CNTNAP2: variants seen among roughly 807,000 people sequenced by gnomAD.
The protein encoded by CNTNAP2 is contactin associated protein 2.
Under a neutral mutation model 155.2 loss-of-function variants are expected in CNTNAP2, and 98 were observed. The observed-to-expected ratio is 0.63, with a 90% CI of 0.54 to 0.75. The LOEUF (loss-of-function observed/expected upper bound fraction) is 0.75. CNTNAP2 is among the 30% of genes least tolerant of loss of function. CNTNAP2 has a pLI of 0.00. For synonymous variants in CNTNAP2, 651 were observed against 631.2 expected (o/e 1.03, Z -0.47); for missense variants, 1,727 against 1,688.1 (o/e 1.02, Z -0.40).
At chr7:148,049,221 A>G (rs1802837648) in intron 15 of CNTNAP2, among the ~76,000 whole-genome samples, 1 of 152,224 alleles carries the variant, frequency 6.6e-6, no homozygotes, top group Non-Finnish European at 1.5e-5. Context: ...GTCTCAAAAA[A>G]TAGAAAAAAT....
At chr7:146,221,395 C>T (rs1799206832) in intron 1 of CNTNAP2, among the ~76,000 whole-genome samples, 1 of 151,794 alleles carries the variant, frequency 6.6e-6, no homozygotes, top group African/African-American at 2.4e-5. Context: ...TATATTTAAA[C>T]AATATATATT....
chr7:148,184,553 G>A (rs1795088454), intron 18 of CNTNAP2, among the ~76,000 whole-genome samples: 1 of 152,200 alleles, frequency 6.6e-6, no homozygotes, highest in South Asian at 2.1e-4. Context: ...TAGCCCTTAT[G>A]TGAATCATTT....
intron 1 of CNTNAP2, among the ~76,000 whole-genome samples, chr7:146,725,738 C>T (rs1801420100): frequency 6.6e-6 from 1 of 152,090 alleles, no homozygotes; most frequent in African/African-American, 2.4e-5. Context: ...ACTCCAGTGA[C>T]CCCACCCCGA....
chr7:148,336,135 T>C (rs1798111553), intron 21 of CNTNAP2, among the ~76,000 whole-genome samples: 1 of 152,222 alleles, frequency 6.6e-6, no homozygotes, highest in Non-Finnish European at 1.5e-5. Flanking sequence ...AGAACATTTA[T>C]GCTGGATTTG....
At position 147,335,404 on chromosome 7, in the gene CNTNAP2, ATTAAC is replaced by A. The variant is rs1331258706; in HGVS notation, c.1498+35118_1498+35122del. Among the ~76,000 whole-genome samples, 7 of 152,284 alleles carry A rather than the reference ATTAAC, an allele frequency of 4.6e-5. No homozygotes were observed. In the East Asian group the frequency reaches 1.3e-3, roughly 29 times the overall value. ...GATCTTTATGAAGAAATTACACATA[ATTAAC>A]TTATTTCATTTTTAGTAAGCTACTA... On this transcript the variant is annotated intron_variant, in intron 9 of 23. Coordinates refer to ENST00000361727, the MANE Select transcript of CNTNAP2 (RefSeq NM_014141.6).
chr7:146,998,475 T>A (rs1370777876), intron 3 of CNTNAP2, among the ~76,000 whole-genome samples: 1 of 152,020 alleles, frequency 6.6e-6, no homozygotes, highest in Non-Finnish European at 1.5e-5. Context: ...ATATTCCCTG[T>A]GCAAGTAAGA....
chr7:148,058,804 G>A (rs1803072613), intron 15 of CNTNAP2, among the ~76,000 whole-genome samples: 2 of 152,164 alleles, frequency 1.3e-5, no homozygotes, highest in Non-Finnish European at 2.9e-5. Flanking sequence ...TTTTAGCGTT[G>A]TATGCCTAAT....
intron 1 of CNTNAP2, among the ~76,000 whole-genome samples, chr7:146,496,876 G>T (rs1195452199): frequency 6.6e-6 from 1 of 152,268 alleles, no homozygotes; most frequent in East Asian, 1.9e-4. Context: ...TCATCCAACT[G>T]CAGAGCATCT....
intron 14 of CNTNAP2, among the ~76,000 whole-genome samples, chr7:147,952,241 G>A (rs7791470): frequency 2.2e-5 from 1 of 44,496 alleles, no homozygotes; most frequent in African/African-American, 6.2e-5. Flanking sequence ...TTGGGAGTTT[G>A]AGACCAGCCT....
At chr7:147,960,138 G>A (rs1445415386) in intron 14 of CNTNAP2, among the ~76,000 whole-genome samples, 1 of 152,152 alleles carries the variant, frequency 6.6e-6, no homozygotes, top group Non-Finnish European at 1.5e-5. Context: ...GAGTCATGGA[G>A]TGGTTATAGT....
chr7:146,932,850 A>G (rs905603423), intron 3 of CNTNAP2, among the ~76,000 whole-genome samples: 4 of 151,636 alleles, frequency 2.6e-5, no homozygotes, highest in Admixed American at 6.6e-5. Flanking sequence ...GCTTCAAAGA[A>G]AAAAAAATAC....
intron 1 of CNTNAP2, among the ~76,000 whole-genome samples, chr7:146,353,595 G>T (rs1794954175): frequency 6.6e-6 from 1 of 152,042 alleles, no homozygotes; most frequent in Admixed American, 6.5e-5. Flanking sequence ...AGACTAATAG[G>T]CATCTGAGTG....
chr7:147,353,773 A>G (rs1395341264), intron 9 of CNTNAP2, among the ~76,000 whole-genome samples: 1 of 152,136 alleles, frequency 6.6e-6, no homozygotes, highest in African/African-American at 2.4e-5. Context: ...ACACTGTAAA[A>G]GCGTTTATAT....
At chr7:146,759,711 A>AAGG (rs1309834469) in intron 1 of CNTNAP2, among the ~76,000 whole-genome samples, 60 of 60,738 alleles carry the variant, frequency 9.9e-4, no homozygotes, top group Non-Finnish European at 1.2e-3. Context: ...AAAAAAAAAA[A>AAGG]GGTGGGTGGG....
intron 10 of CNTNAP2, among the ~76,000 whole-genome samples, chr7:147,465,012 T>G (rs758266157): frequency 8.5e-5 from 13 of 152,182 alleles, no homozygotes; most frequent in Non-Finnish European, 1.3e-4. Context: ...TGCAGCAACA[T>G]GGATGCAGCT....
chr7:147,602,638 A>C (rs1181512718), intron 12 of CNTNAP2, among the ~76,000 whole-genome samples: 265 of 127,238 alleles, frequency 2.1e-3, no homozygotes, highest in Middle Eastern at 4.3e-3. Context: ...ATCCCTCCCC[A>C]CTCCCCCCAC....
At chr7:146,285,980 G>T (rs1236121222) in intron 1 of CNTNAP2, among the ~76,000 whole-genome samples, 1 of 41,554 alleles carries the variant, frequency 2.4e-5, no homozygotes, top group African/African-American at 1.6e-4. Flanking sequence ...TTCCTTCTCT[G>T]TGTGTGTGTG....
chr7:147,300,792 A>G (rs1008807856), intron 9 of CNTNAP2, among the ~76,000 whole-genome samples: 1 of 151,858 alleles, frequency 6.6e-6, no homozygotes, highest in African/African-American at 2.4e-5. Flanking sequence ...TACCTGGCTG[A>G]CAGTTGGTGC....
At chr7:147,112,028 A>G (rs1421302456) in intron 5 of CNTNAP2, among the ~76,000 whole-genome samples, 3 of 151,796 alleles carry the variant, frequency 2.0e-5, no homozygotes, top group Admixed American at 6.6e-5. Flanking sequence ...TTTTCCATTT[A>G]TTTGTGTCAT....
Sources: gnomAD v4.1 joint callset for allele counts (sites outside exome capture counted in the v4.1 genomes callset) on GRCh38, gnomAD v4.1.1 for gene constraint, MANE v1.5 for transcripts, NCBI Gene and HGNC (gene_info 2026-07-23, HGNC 2026-07-21) for gene names.